EGFLAM: variants seen among roughly 807,000 people sequenced by gnomAD.
The protein encoded by EGFLAM is pikachurin.
EGFLAM carries 79 observed loss-of-function variants against 113.1 expected under a neutral mutation model. That is an observed-to-expected ratio of 0.70 (90% CI 0.58 to 0.84). The LOEUF (loss-of-function observed/expected upper bound fraction) is 0.84. EGFLAM is among the 40% of genes least tolerant of loss of function. The pLI, the probability that EGFLAM is intolerant of heterozygous loss-of-function variation, is 0.00. For missense variants in EGFLAM, 1,265 were observed against 1,291.6 expected (o/e 0.98, Z 0.32); for synonymous variants, 504 against 487.6 (o/e 1.03, Z -0.44).
chr5:38,464,313 T>C lies in EGFLAM; in HGVS notation c.*327T>C. The C allele has an allele frequency of 3.8e-6, 1 of 265,696 alleles. No individual in the cohort carries two copies. The highest frequency in any genetic ancestry group is 9.5e-5 in the South Asian group (1 of 10,550). 16.5% of individuals were successfully genotyped at this position (265,696 alleles called of 1,614,324 possible). On this transcript the variant is annotated 3_prime_UTR_variant, in exon 22 of 22. Coordinates refer to ENST00000322350, the MANE Select transcript of EGFLAM (RefSeq NM_152403.4). ...CTATAGCTCAGTGACTGTGTTGTGA[T>C]TCATAGTACATTAAAAAGAGAGAGA... is the stretch of plus-strand genomic sequence containing the variant.
intron 1 of EGFLAM, among the ~76,000 whole-genome samples, chr5:38,336,390 A>G (rs1340670201): frequency 6.6e-6 from 1 of 152,168 alleles, no homozygotes; most frequent in Non-Finnish European, 1.5e-5. Context: ...TGGCTAACAC[A>G]GTGAAACCCC....
Position 38,409,084 on chromosome 5 carries a change from C to T in EGFLAM, c.1329C>T (p.Ile443=). 6.3e-7 allele frequency: 1 copy of T among 1,584,290 alleles called. No homozygotes were observed. The highest frequency in any genetic ancestry group is 8.6e-7 in the Non-Finnish European group (1 of 1,163,350). The change falls in exon 10 of 22, where the codon ATC becomes ATT. Residue 443 remains isoleucine (I), a synonymous_variant. Coordinates refer to ENST00000322350, the MANE Select transcript of EGFLAM (RefSeq NM_152403.4). ...GGGATTTCATGTCCCTGGCTATCAT[C>T]CGACGCTCCCTGCAGTTCAGGTAAT... ...GRGDFMSLAI[I]RRSLQFRFNC...
Position 38,322,267 on chromosome 5 carries a change from G to A in EGFLAM, c.98-15253G>A, listed in dbSNP as rs151006859. Among the ~76,000 whole-genome samples, 176 of 152,344 alleles carry A rather than the reference G, an allele frequency of 1.2e-3. 2 individuals are homozygous for A. The highest frequency in any genetic ancestry group is 3.9e-3 in the African/African-American group (164 of 41,592). On this transcript the variant is annotated intron_variant, in intron 1 of 21. Coordinates refer to ENST00000322350, the MANE Select transcript of EGFLAM (RefSeq NM_152403.4). Reference sequence around the variant, plus strand: ...TCACCCTCAGAAGGACACGCCCAGGGACAAGGCCACTGAGGACCAGGAAAA... The same window carrying A: ...TCACCCTCAGAAGGACACGCCCAGGAACAAGGCCACTGAGGACCAGGAAAA...
intron 1 of EGFLAM, among the ~76,000 whole-genome samples, chr5:38,266,855 A>G (rs1454873276): frequency 6.6e-6 from 1 of 152,216 alleles, no homozygotes; most frequent in Non-Finnish European, 1.5e-5. Flanking sequence ...GAGCTCAGAA[A>G]TGGTCCAGGT....
intron 17 of EGFLAM, among the ~76,000 whole-genome samples, chr5:38,439,709 A>G (rs1465870755): frequency 6.6e-6 from 1 of 152,226 alleles, no homozygotes; most frequent in African/African-American, 2.4e-5. Flanking sequence ...TCATTTGTGA[A>G]TTATCCTGAT....
intron 6 of EGFLAM, among the ~76,000 whole-genome samples, chr5:38,397,643 A>G (rs1047271944): frequency 2.0e-5 from 3 of 152,078 alleles, no homozygotes; most frequent in African/African-American, 7.2e-5. Flanking sequence ...TTTGCTCACC[A>G]TGTTTCAATT....
At chr5:38,397,020 C>T (rs928559571) in intron 6 of EGFLAM, among the ~76,000 whole-genome samples, 2 of 152,146 alleles carry the variant, frequency 1.3e-5, no homozygotes, top group Admixed American at 6.6e-5. Context: ...GGTTATGCAC[C>T]ATTTGCGCTT....
rs201123652 is a variant in EGFLAM, at chr5:38,311,988, GTA to G, written c.98-25530_98-25529del. Among the ~76,000 whole-genome samples, 404 of 152,306 alleles carry G rather than the reference GTA, an allele frequency of 2.7e-3. 3 individuals carry two copies. Among genetic ancestry groups the G allele is most frequent in the African/African-American group, 9.3e-3 (388 of 41,560 alleles). ...GTTTGGAAGGGGAGGGGATTCTGGG[GTA>G]TGAGTCCATTCTTGCTAGCCCTGTA... On this transcript the variant is annotated intron_variant, in intron 1 of 21. Transcript: ENST00000322350.
intron 6 of EGFLAM, among the ~76,000 whole-genome samples, chr5:38,404,829 A>C (rs1004807587): frequency 6.6e-6 from 1 of 152,142 alleles, no homozygotes; most frequent in Non-Finnish European, 1.5e-5. Flanking sequence ...CTGTGAGGAC[A>C]TGCAGGTGCC....
intron 6 of EGFLAM, among the ~76,000 whole-genome samples, chr5:38,394,977 G>A (rs1209652508): frequency 6.6e-6 from 1 of 151,864 alleles, no homozygotes; most frequent in Non-Finnish European, 1.5e-5. Flanking sequence ...TTTTGCTCTT[G>A]TTGCCCAGGT....
chr5:38,330,318 CA>C (rs1739008272), intron 1 of EGFLAM, among the ~76,000 whole-genome samples: 1 of 152,070 alleles, frequency 6.6e-6, no homozygotes, highest in Admixed American at 6.6e-5. Context: ...GCTATTTCTC[CA>C]GCCAAGCAAG....
chr5:38,354,440 C>T (rs1215495904), intron 5 of EGFLAM, among the ~76,000 whole-genome samples: 4 of 152,164 alleles, frequency 2.6e-5, no homozygotes, highest in Non-Finnish European at 5.9e-5. Flanking sequence ...GAAAAATGCA[C>T]ACTTCTGGCC....
intron 6 of EGFLAM, among the ~76,000 whole-genome samples, chr5:38,396,976 G>A (rs58488587): frequency 0.084 from 12,777 of 152,098 alleles, 817 homozygotes; most frequent in African/African-American, 0.16. Flanking sequence ...TTGGTTGACT[G>A]GCTTATGTAC....
rs575135330 is a variant in EGFLAM at position 38,323,042 on chromosome 5, A to G, written c.98-14478A>G. On this transcript the variant is annotated intron_variant, in intron 1 of 21. Coordinates refer to ENST00000322350, the MANE Select transcript of EGFLAM (RefSeq NM_152403.4). ...AATAGTTGGAACAAGTTTCAAACAG[A>G]TGGAAATATGGTTTTTGTTTTCCTA... Among the ~76,000 whole-genome samples, 41 of 152,358 alleles carry G rather than the reference A, an allele frequency of 2.7e-4. 1 individual carries two copies. The highest frequency in any genetic ancestry group is 2.1e-3 in the Admixed American group (32 of 15,304).
intron 6 of EGFLAM, among the ~76,000 whole-genome samples, chr5:38,389,444 TA>T (rs1319920107): frequency 6.6e-6 from 1 of 152,218 alleles, no homozygotes; most frequent in African/African-American, 2.4e-5. Context: ...AGATACAATC[TA>T]GATAAATCAC....
chr5:38,293,581 G>A (rs1404449185), intron 1 of EGFLAM, among the ~76,000 whole-genome samples: 1 of 152,028 alleles, frequency 6.6e-6, no homozygotes, highest in Non-Finnish European at 1.5e-5. Context: ...TTCCTTAGCT[G>A]TTTTCCTTTA....
rs1363898192 is a variant in EGFLAM, at chr5:38,292,051, T to C, written c.97+33200T>C. ...AACCCCTGCTTGTTAATATTGACCT[T>C]CAGTTTGAAATGCTGAGCCCAAGAC... is the stretch of plus-strand genomic sequence containing the variant. On this transcript the variant is annotated intron_variant, in intron 1 of 21. Transcript: ENST00000322350. 2.0e-5 allele frequency among the ~76,000 whole-genome samples: 3 copies of C among 152,300 alleles called. No homozygotes were observed. In the East Asian group the frequency reaches 5.8e-4, roughly 29 times the overall value.
chr5:38,352,448 A>G (rs1377670211), intron 5 of EGFLAM, 117 bp downstream of exon 5: 3 of 1,311,498 alleles, frequency 2.3e-6, no homozygotes, highest in Non-Finnish European at 3.1e-6. Context: ...GGAGTTCGAG[A>G]CCAGCCTGAC....
intron 3 of EGFLAM, among the ~76,000 whole-genome samples, chr5:38,348,049 TGAGAGAGA>T (rs59761113): frequency 1.4e-5 from 2 of 147,618 alleles, no homozygotes; most frequent in African/African-American, 2.5e-5. Context: ...CCTTGGGTAA[TGAGAGAGA>T]GAGAGAGAGA....
Sources: allele counts gnomAD v4.1 joint callset (sites outside exome capture counted in the v4.1 genomes callset), GRCh38; gene constraint gnomAD v4.1.1; transcripts MANE v1.5; gene names NCBI Gene and HGNC (gene_info 2026-07-23, HGNC 2026-07-21).